PDE7B: variants seen among roughly 807,000 people sequenced by gnomAD.
The protein encoded by PDE7B is 3',5'-cyclic-AMP phosphodiesterase 7B.
A neutral mutation model predicts 56.2 loss-of-function variants in PDE7B; 29 were observed. That is an observed-to-expected ratio of 0.52 (90% CI 0.38 to 0.70). PDE7B has a LOEUF of 0.70. Ranked by LOEUF, PDE7B falls within the 30% of genes least tolerant of loss-of-function variation. The probability of loss-of-function intolerance (pLI) is 0.00; values close to 1 mark genes in which losing one functional copy is unlikely to be tolerated. For missense variants in PDE7B, 490 were observed against 565.0 expected (o/e 0.87, Z 1.35); for synonymous variants, 197 against 196.9 (o/e 1.00, Z 0.00).
At chr6:135,946,866 G>A (rs1774604416) in intron 1 of PDE7B, among the ~76,000 whole-genome samples, 1 of 151,996 alleles carries the variant, frequency 6.6e-6, no homozygotes, top group Admixed American at 6.6e-5. Flanking sequence ...TATCTCTGCA[G>A]GAATTTGCCT....
chr6:135,948,969 A>G (rs1211205202), intron 2 of PDE7B, among the ~76,000 whole-genome samples: 1 of 151,952 alleles, frequency 6.6e-6, no homozygotes, highest in Non-Finnish European at 1.5e-5. Flanking sequence ...ATCCTTTGTT[A>G]AGCCATGTGT....
rs532589546 is a variant in PDE7B at position 136,134,120 on chromosome 6, T to C, written c.167-13231T>C. On this transcript the variant is annotated intron_variant, in intron 3 of 12. Transcript: ENST00000308191. ...TGTGCCTGAGGAACGAATCCGTTGGTGGTAGGTGAGATAGATTGAAAGGGA... is the reference window on the plus strand; with the variant it reads ...TGTGCCTGAGGAACGAATCCGTTGGCGGTAGGTGAGATAGATTGAAAGGGA... Among the ~76,000 whole-genome samples, 117 of 151,938 alleles carry C rather than the reference T, an allele frequency of 7.7e-4. 2 individuals are homozygous for C. In the South Asian group the frequency reaches 0.023, roughly 30 times the overall value.
chr6:136,164,045 T>C (rs1184982012), intron 8 of PDE7B, among the ~76,000 whole-genome samples: 1 of 152,220 alleles, frequency 6.6e-6, no homozygotes, highest in African/African-American at 2.4e-5. Context: ...GGTATCTGTA[T>C]GGCAGCACCC....
intron 1 of PDE7B, among the ~76,000 whole-genome samples, chr6:135,866,782 C>G (rs572338956): frequency 6.6e-6 from 1 of 152,234 alleles, no homozygotes; most frequent in East Asian, 1.9e-4. Context: ...GCATACGTGT[C>G]GTAAACACAT....
chr6:135,895,045 C>T (rs944502593), intron 1 of PDE7B, among the ~76,000 whole-genome samples: 1 of 151,610 alleles, frequency 6.6e-6, no homozygotes, highest in African/African-American at 2.4e-5. Flanking sequence ...TAATAAATTT[C>T]TATAAATAGA....
At chr6:136,187,000 A>G (rs763576641) in intron 11 of PDE7B, 36 bp from the exon 12 acceptor site, 15 of 1,019,284 alleles carry the variant, frequency 1.5e-5, no homozygotes, top group Non-Finnish European at 1.9e-5. Flanking sequence ...GTTCTAGATT[A>G]CCAATGTGTT....
intron 2 of PDE7B, among the ~76,000 whole-genome samples, chr6:135,998,483 G>A (rs767778626): frequency 7.2e-5 from 11 of 152,160 alleles, no homozygotes; most frequent in East Asian, 1.9e-4. Flanking sequence ...CTGGCCAGGC[G>A]TGGTGGCTCA....
chr6:136,175,855 CT>C (rs1367018111), intron 9 of PDE7B, among the ~76,000 whole-genome samples: 1 of 152,030 alleles, frequency 6.6e-6, no homozygotes, highest in Non-Finnish European at 1.5e-5. Flanking sequence ...TCCAGTTGTT[CT>C]TCTAAAAGGC....
At chr6:136,189,356 G>T (rs932438788) in intron 12 of PDE7B, among the ~76,000 whole-genome samples, 1 of 152,106 alleles carries the variant, frequency 6.6e-6, no homozygotes, top group Non-Finnish European at 1.5e-5. Context: ...TTGAGGCCAG[G>T]AATTCAAGAC....
intron 2 of PDE7B, among the ~76,000 whole-genome samples, chr6:136,056,212 T>C (rs1366581707): frequency 6.6e-6 from 1 of 152,182 alleles, no homozygotes; most frequent in Non-Finnish European, 1.5e-5. Flanking sequence ...ACAGTTGCTA[T>C]ACGTCTTCAG....
intron 11 of PDE7B, among the ~76,000 whole-genome samples, chr6:136,184,981 A>G (rs1377391532): frequency 6.6e-6 from 1 of 152,110 alleles, no homozygotes; most frequent in Admixed American, 6.6e-5. Flanking sequence ...GGAGAAGTCA[A>G]AGACAACTCC....
chr6:136,103,042 A>G (rs1228156198), intron 2 of PDE7B, among the ~76,000 whole-genome samples: 1 of 152,200 alleles, frequency 6.6e-6, no homozygotes, highest in Non-Finnish European at 1.5e-5. Flanking sequence ...TCCTTTTGCG[A>G]AAAATGTGGT....
chr6:136,072,345 G>A (rs1369020551), intron 2 of PDE7B, among the ~76,000 whole-genome samples: 1 of 152,120 alleles, frequency 6.6e-6, no homozygotes, highest in Non-Finnish European at 1.5e-5. Context: ...TCATGGCATA[G>A]CTGATACTTT....
intron 12 of PDE7B, among the ~76,000 whole-genome samples, chr6:136,189,152 T>C (rs1000357309): frequency 4.6e-5 from 7 of 152,234 alleles, no homozygotes; most frequent in African/African-American, 1.4e-4. Flanking sequence ...AGATCTACTC[T>C]CAGGCTTAGA....
At chr6:136,057,928 G>T (rs1776766456) in intron 2 of PDE7B, among the ~76,000 whole-genome samples, 1 of 152,056 alleles carries the variant, frequency 6.6e-6, no homozygotes, top group South Asian at 2.1e-4. Context: ...GTAGAGACGG[G>T]GTTTCACCAT....
chr6:136,111,744 G>C (rs182074060), intron 3 of PDE7B, among the ~76,000 whole-genome samples: 2 of 152,134 alleles, frequency 1.3e-5, no homozygotes, highest in Non-Finnish European at 2.9e-5. Context: ...GGATTTTCTC[G>C]TAGAACTTTT....
intron 2 of PDE7B, among the ~76,000 whole-genome samples, chr6:136,050,594 A>C (rs1456280155): frequency 1.3e-5 from 2 of 152,142 alleles, no homozygotes; most frequent in Non-Finnish European, 2.9e-5. Flanking sequence ...TAGAATTTCA[A>C]GCAGGGCCAG....
intron 2 of PDE7B, among the ~76,000 whole-genome samples, chr6:135,970,342 A>G (rs902033984): frequency 6.6e-6 from 1 of 152,140 alleles, no homozygotes; most frequent in African/African-American, 2.4e-5. Context: ...AGAGAGGGCA[A>G]CAGGTGGAAC....
At chr6:136,119,408 A>G (rs1449447144) in intron 3 of PDE7B, among the ~76,000 whole-genome samples, 1 of 152,182 alleles carries the variant, frequency 6.6e-6, no homozygotes, top group African/African-American at 2.4e-5. Context: ...AAAAATTTCA[A>G]TGTCCGCCAG....
Sources: gnomAD v4.1 joint callset for allele counts (sites outside exome capture counted in the v4.1 genomes callset) on GRCh38, gnomAD v4.1.1 for gene constraint, MANE v1.5 for transcripts, NCBI Gene and HGNC (gene_info 2026-07-23, HGNC 2026-07-21) for gene names.